Variants in RAE1 observed in about 807,000 individuals in gnomAD.
RAE1 encodes mRNA export factor RAE1.
A neutral mutation model predicts 52.7 loss-of-function variants in RAE1; 13 were observed. The ratio of observed to expected loss-of-function variants is 0.25; its 90% CI spans 0.16 to 0.39. RAE1 has a LOEUF of 0.39. Among genes scored for constraint, RAE1 ranks in the 10% least tolerant of loss-of-function variants. RAE1 has a pLI of 1.00. For missense variants in RAE1, 262 were observed against 459.8 expected, an observed-to-expected ratio of 0.57 and a Z score of 3.93; for synonymous variants, 164 against 153.1, an observed-to-expected ratio of 1.07 and a Z score of -0.52.
At chr20:57,358,264 C>T (rs1232156215) in intron 4 of RAE1, 1 of 152,136 alleles carries the variant, frequency 6.6e-6, no homozygotes, top group Non-Finnish European at 1.5e-5. Flanking sequence ...ATGTTGAGTC[C>T]TTTGCATAGT....
At chr20:57,354,262 G>C in intron 2 of RAE1, 134 bp downstream of exon 2, 2 of 708,406 alleles carry the variant, frequency 2.8e-6, no homozygotes, top group Non-Finnish European at 4.7e-6. Context: ...TCATGTTTCT[G>C]AAACACTGGA....
chr20:57,376,405 C>T (rs2067115930), intron 11 of RAE1, among the ~76,000 whole-genome samples: 1 of 152,212 alleles, frequency 6.6e-6, no homozygotes, highest in African/African-American at 2.4e-5. Flanking sequence ...CTTACGCACA[C>T]ACAAAACCAT....
intron 4 of RAE1, chr20:57,358,831 G>T: frequency 4.0e-6 from 2 of 496,108 alleles, no homozygotes; most frequent in Non-Finnish European, 6.8e-6. Flanking sequence ...TTGTTAGGAG[G>T]TTGAATTATG....
At chr20:57,359,191 T>A in intron 4 of RAE1, 1 of 443,724 alleles carries the variant, frequency 2.3e-6, no homozygotes, top group Non-Finnish European at 3.8e-6. Context: ...GGGGTAAGAT[T>A]TGCTGAGTTC....
chr20:57,360,531 G>A (rs575674137), intron 4 of RAE1, among the ~76,000 whole-genome samples: 3 of 152,278 alleles, frequency 2.0e-5, no homozygotes, highest in Non-Finnish European at 2.9e-5. Context: ...GTACTCTGGC[G>A]AATGGTTTTG....
rs553599704 is a variant in RAE1 at position 57,373,484 on chromosome 20, G to A, written c.652G>A (p.Val218Met). ...ESPLKHQHRC[V>M]AIFKDKQNKP... ...TTTATTTTAACTGTAGCATCGGTGT[G>A]TGGCTATTTTTAAAGACAAACAGAA... The change falls in exon 9 of 12, where the codon GTG (valine) becomes ATG (methionine). Residue 218 changes from valine (V) to methionine (M), a missense_variant. Transcript: ENST00000395841. 2 of 1,613,412 alleles carry A rather than the reference G, an allele frequency of 1.2e-6. No homozygotes were observed. The highest frequency in any genetic ancestry group is 2.2e-5 in the South Asian group (2 of 91,048).
chr20:57,352,688 C>T lies in RAE1; in HGVS notation c.-8+1266C>T, dbSNP rs534356232. 5.3e-5 allele frequency among the ~76,000 whole-genome samples: 8 copies of T among 152,284 alleles called. 1 individual carries two copies. In the South Asian group the frequency reaches 1.5e-3, roughly 28 times the overall value. ...GAGTGAAAGTAATATTTATTAAGAA[C>T]CTGTAGTGCTTTAGGCAGTGTGTGT... On this transcript the variant is annotated intron_variant, in intron 1 of 11. Coordinates refer to ENST00000395841, the MANE Select transcript of RAE1 (RefSeq NM_003610.4).
chr20:57,357,259 C>T (rs925518186), intron 4 of RAE1, among the ~76,000 whole-genome samples: 13 of 152,028 alleles, frequency 8.6e-5, no homozygotes, highest in Admixed American at 2.0e-4. Context: ...TTCCTTTTGT[C>T]GTCAAATCCT....
intron 7 of RAE1, 33 bp downstream of exon 7, chr20:57,367,112 T>A (rs757445256): frequency 5.0e-5 from 66 of 1,319,792 alleles, no homozygotes; most frequent in African/African-American, 2.1e-4. Flanking sequence ...GTATTTACTT[T>A]AAAAAAAAAA....
intron 8 of RAE1, chr20:57,373,244 C>T (rs1053508312): frequency 7.4e-5 from 40 of 537,272 alleles, no homozygotes; most frequent in Non-Finnish European, 1.3e-4. Context: ...AGAGGGAGAG[C>T]GAGCAGCGGG....
At chr20:57,355,686 A>G (rs1158762085) in intron 3 of RAE1, among the ~76,000 whole-genome samples, 1 of 152,208 alleles carries the variant, frequency 6.6e-6, no homozygotes, top group African/African-American at 2.4e-5. Context: ...ATGGCAATGT[A>G]TAGTATGTTT....
chr20:57,359,051 C>T, intron 4 of RAE1: 1 of 1,497,650 alleles, frequency 6.7e-7, no homozygotes, highest in Non-Finnish European at 8.9e-7. Flanking sequence ...CATTCAAGTC[C>T]CTATTTAGAG....
intron 11 of RAE1, 131 bp downstream of exon 11, chr20:57,374,932 C>A: frequency 1.0e-6 from 1 of 984,056 alleles, no homozygotes; most frequent in Non-Finnish European, 1.6e-6. Context: ...CCGTCCCCTC[C>A]CTGTAAGGGG....
intron 4 of RAE1, 70 bp from the exon 5 acceptor site, chr20:57,365,286 T>C (rs2066939146): frequency 1.8e-6 from 2 of 1,119,210 alleles, no homozygotes; most frequent in East Asian, 2.6e-5. Context: ...TTCAACGTAG[T>C]ATCTAAATAT....
At chr20:57,359,072 T>A (rs551754256) in intron 4 of RAE1, 3 of 1,451,674 alleles carry the variant, frequency 2.1e-6, no homozygotes, top group Non-Finnish European at 2.7e-6. Context: ...AACAAGTGAT[T>A]ATGCTACCTT....
intron 11 of RAE1, among the ~76,000 whole-genome samples, chr20:57,377,214 C>T (rs1040148688): frequency 6.6e-6 from 1 of 152,192 alleles, no homozygotes; most frequent in Non-Finnish European, 1.5e-5. Context: ...CATCAGAGTA[C>T]AGGTGACAGA....
chr20:57,368,879 C>T, intron 8 of RAE1, 67 bp downstream of exon 8: 1 of 1,300,220 alleles, frequency 7.7e-7, no homozygotes, highest in Non-Finnish European at 1.1e-6. Context: ...GTGCTCACAT[C>T]TGGAATACAG....
chr20:57,354,278 G>C (rs966859905), intron 2 of RAE1, 150 bp downstream of exon 2: 10 of 659,422 alleles, frequency 1.5e-5, no homozygotes, highest in Non-Finnish European at 1.5e-5. Context: ...CTGGAGCACA[G>C]AAAATGTGTC....
rs1280311467 is a variant in RAE1, at chr20:57,378,209, ACC to A, written c.*113_*114del. ...TTGTCAGCCATGGACATGGATTTCA[ACC>A]CCTGGAGAAAACGATGTCATTGTTC... On this transcript the variant is annotated 3_prime_UTR_variant, in exon 12 of 12. Transcript: ENST00000395841. 33 of 876,412 alleles carry A rather than the reference ACC, an allele frequency of 3.8e-5. No individual in the cohort carries two copies. The South Asian group carries it at 4.9e-4, about 13-fold the overall frequency. 54.3% of individuals were successfully genotyped at this position (876,412 alleles called of 1,614,324 possible).
Sources: gnomAD v4.1 joint callset for allele counts (sites outside exome capture counted in the v4.1 genomes callset) on GRCh38, gnomAD v4.1.1 for gene constraint, MANE v1.5 for transcripts, NCBI Gene and HGNC (gene_info 2026-07-23, HGNC 2026-07-21) for gene names.